COL12A1: variants seen among roughly 807,000 people sequenced by gnomAD.
COL12A1 encodes the protein collagen type XII alpha 1 chain.
A neutral mutation model predicts 349.7 loss-of-function variants in COL12A1; 114 were observed. The observed-to-expected ratio is 0.33, with a 90% CI of 0.28 to 0.38. The LOEUF is 0.38. COL12A1 is among the 10% of genes least tolerant of loss of function. The pLI, the probability that COL12A1 is intolerant of heterozygous loss-of-function variation, is 1.00. For missense variants in COL12A1, 3,284 were observed against 3,756.9 expected (o/e 0.87, Z 3.29); for synonymous variants, 1,369 against 1,329.0 (o/e 1.03, Z -0.66).
chr6:75,129,958 A>G (rs1766219982), intron 37 of COL12A1, 133 bp downstream of exon 37: 3 of 1,041,332 alleles, frequency 2.9e-6, no homozygotes, highest in Admixed American at 5.1e-5. Context: ...TCCCAACGTC[A>G]TGTCAGAGAA....
intron 46 of COL12A1, among the ~76,000 whole-genome samples, 189 bp downstream of exon 46, chr6:75,118,854 C>T (rs568527662): frequency 6.6e-6 from 1 of 152,132 alleles, no homozygotes; most frequent in Non-Finnish European, 1.5e-5. Context: ...ACAAAGAATA[C>T]CCCATGTCAT....
At chr6:75,184,271 A>T in intron 8 of COL12A1, 127 bp from the exon 9 acceptor site, 1 of 1,026,030 alleles carries the variant, frequency 9.7e-7, no homozygotes. Flanking sequence ...AGAGTTGCCC[A>T]ATACCCGCCT....
rs1487193507 is a variant in COL12A1 at position 75,134,712 on chromosome 6, C to T, written c.5524+14G>A. 3 of 1,587,810 alleles carry T rather than the reference C, an allele frequency of 1.9e-6. No homozygotes were observed. The highest frequency in any genetic ancestry group is 2.6e-6 in the Non-Finnish European group (3 of 1,163,286). Reference sequence around the variant, plus strand: ...AGCTATTAAAGAAGCTATAGGAACTCAGGTTTCACTTACTGGTCTTGCCTC... The same window carrying T: ...AGCTATTAAAGAAGCTATAGGAACTTAGGTTTCACTTACTGGTCTTGCCTC... On this transcript the variant is annotated intron_variant, in intron 32 of 65. Coordinates refer to ENST00000322507, the MANE Select transcript of COL12A1 (RefSeq NM_004370.6).
intron 65 of COL12A1, 128 bp downstream of exon 65, chr6:75,087,447 AAT>A (rs1281784063): frequency 1.2e-6 from 1 of 805,200 alleles, no homozygotes; most frequent in Non-Finnish European, 2.0e-6. Flanking sequence ...ATTATTATAT[AAT>A]CAGAACTGAA....
intron 59 of COL12A1, among the ~76,000 whole-genome samples, chr6:75,096,983 G>A (rs1384945347): frequency 4.0e-5 from 6 of 151,762 alleles, no homozygotes; most frequent in Non-Finnish European, 8.8e-5. Context: ...ATGTAGGGAT[G>A]AAGAAACTGA....
At chr6:75,161,460 T>C (rs1768022331) in intron 14 of COL12A1, among the ~76,000 whole-genome samples, 1 of 152,126 alleles carries the variant, frequency 6.6e-6, no homozygotes, top group Non-Finnish European at 1.5e-5. Flanking sequence ...AACCTGAGAA[T>C]ATGGAGGGCC....
rs147802696 is a variant in COL12A1, at chr6:75,134,901, T to C, written c.5395-46A>G. 5.3e-4 allele frequency: 829 copies of C among 1,572,552 alleles called. 4 individuals carry two copies. In the African/African-American group the frequency reaches 0.01, roughly 19 times the overall value. On this transcript the variant is annotated intron_variant, in intron 31 of 65. Coordinates refer to ENST00000322507, the MANE Select transcript of COL12A1 (RefSeq NM_004370.6). ...GTAAGTGTCAGCCTTGCTCTCTCCA[T>C]CTCACTAATCTGTTAGAAAAAGCTC...
chr6:75,146,241 G>A lies in COL12A1; in HGVS notation c.4421C>T (p.Pro1474Leu). The change falls in exon 24 of 66, where the codon CCA (proline) becomes CTA (leucine). Residue 1474 changes from proline to leucine, a missense_variant. Pro to Leu is a moderately conservative substitution (Grantham distance 98). Around this residue, in one of 2 missense-constraint regions of COL12A1, gnomAD observed 2,601 missense variants for 2,824.8 expected, o/e 0.92. Transcript: ENST00000322507. ...AATATTCAGGCTGACTACAGGCACTGGCACTTCCAAAACAGAAAAGCAGAC... is the reference window on the plus strand; with the variant it reads ...AATATTCAGGCTGACTACAGGCACTAGCACTTCCAAAACAGAAAAGCAGAC... Reference protein sequence around the residue: ...EPLKGTEKTLPVPVVSLNIYD... With the variant: ...EPLKGTEKTLLVPVVSLNIYD... 6.3e-7 allele frequency: 1 copy of A among 1,595,804 alleles called. No homozygotes were observed. The highest frequency in any genetic ancestry group is 1.4e-5 in the African/African-American group (1 of 74,054).
chr6:75,136,111 G>A (rs919441230), intron 31 of COL12A1, among the ~76,000 whole-genome samples: 8 of 152,146 alleles, frequency 5.3e-5, no homozygotes, highest in Non-Finnish European at 8.8e-5. Context: ...AAGAGACTTA[G>A]GAGAAGCAGC....
chr6:75,086,646 A>T, intron 65 of COL12A1, 89 bp from the exon 66 acceptor site: 1 of 513,300 alleles, frequency 1.9e-6, no homozygotes, highest in East Asian at 5.1e-5. Flanking sequence ...GTAATGGTTA[A>T]AGTATATATA....
At chr6:75,158,731 C>A (rs796628324) in intron 14 of COL12A1, among the ~76,000 whole-genome samples, 12 of 151,428 alleles carry the variant, frequency 7.9e-5, no homozygotes, top group African/African-American at 2.9e-4. Context: ...AAAGATAAAT[C>A]TAAAATGAAA....
Position 75,177,674 on chromosome 6 carries a change from G to T in COL12A1, c.2426C>A (p.Ala809Asp). 6.2e-7 allele frequency: 1 copy of T among 1,613,996 alleles called. No individual in the cohort carries two copies. The highest frequency in any genetic ancestry group is 8.5e-7 in the Non-Finnish European group (1 of 1,179,992). ...GPGTPLTGNAATEEVRGNPRD... is the reference protein window; with the variant it reads ...GPGTPLTGNADTEEVRGNPRD... ...CATATTTCCTCTACCTTCTTCAGTGGCTGCATTTCCAGTTAATGGAGTACC... is the reference window on the plus strand; with the variant it reads ...CATATTTCCTCTACCTTCTTCAGTGTCTGCATTTCCAGTTAATGGAGTACC... The change falls in exon 12 of 66, where the codon GCC (alanine) becomes GAC (aspartate). Residue 809 changes from alanine to aspartate, a missense_variant. Transcript: ENST00000322507.
At chr6:75,106,687 T>G (rs1280668434) in intron 52 of COL12A1, among the ~76,000 whole-genome samples, 191 bp from the exon 53 acceptor site, 2 of 152,094 alleles carry the variant, frequency 1.3e-5, no homozygotes, top group Non-Finnish European at 2.9e-5. Flanking sequence ...GATAGAAAAG[T>G]GAAACATGTA....
intron 51 of COL12A1, among the ~76,000 whole-genome samples, chr6:75,112,363 A>G (rs1320870469): frequency 1.3e-5 from 2 of 151,782 alleles, no homozygotes. Context: ...CATACCCCTG[A>G]ACTTAAAATA....
chr6:75,102,132 A>G, intron 56 of COL12A1, 80 bp from the exon 57 acceptor site: 1 of 1,324,364 alleles, frequency 7.6e-7, no homozygotes, highest in Non-Finnish European at 1.1e-6. Context: ...TCACTTATGA[A>G]ATCTTCATCA....
At chr6:75,142,225 T>A (rs1210654913) in intron 26 of COL12A1, 64 bp from the exon 27 acceptor site, 1 of 1,579,000 alleles carries the variant, frequency 6.3e-7, no homozygotes, top group Non-Finnish European at 8.7e-7. Flanking sequence ...ATCTCTCTGT[T>A]GTTTACTGTA....
intron 15 of COL12A1, 64 bp downstream of exon 15, chr6:75,156,193 T>C (rs890913005): frequency 1.2e-5 from 19 of 1,573,586 alleles, no homozygotes; most frequent in East Asian, 2.2e-5. Context: ...GAAGTAGACA[T>C]ACCAAAGTCA....
intron 12 of COL12A1, among the ~76,000 whole-genome samples, chr6:75,176,846 A>G (rs1397697695): frequency 6.6e-6 from 1 of 152,212 alleles, no homozygotes; most frequent in African/African-American, 2.4e-5. Flanking sequence ...TTTTAAAAAC[A>G]TTACAGCTAG....
intron 8 of COL12A1, among the ~76,000 whole-genome samples, chr6:75,185,721 A>G (rs1382420524): frequency 3.3e-5 from 5 of 152,222 alleles, no homozygotes; most frequent in African/African-American, 4.8e-5. Context: ...AAATTATGCT[A>G]CAGGGCTGTG....
Sources: allele counts gnomAD v4.1 joint callset (sites outside exome capture counted in the v4.1 genomes callset), GRCh38; gene constraint gnomAD v4.1.1; regional missense constraint gnomAD v4.1.1; transcripts MANE v1.5; gene names NCBI Gene and HGNC (gene_info 2026-07-23, HGNC 2026-07-21).